The following MYO3B variants were observed in gnomAD, a reference collection of about 807,000 sequenced individuals.
The protein encoded by MYO3B is myosin IIIB, also known as myosin-IIIb.
A neutral mutation model predicts 174.6 loss-of-function variants in MYO3B; 156 were observed. The ratio of observed to expected loss-of-function variants is 0.89; its 90% CI spans 0.78 to 1.02. The LOEUF is 1.02. Among genes scored for constraint, MYO3B ranks in the 50% least tolerant of loss-of-function variants. The pLI, the probability that MYO3B is intolerant of heterozygous loss-of-function variation, is 0.00. For missense variants in MYO3B, 1,632 were observed against 1,639.4 expected (o/e 1.00, Z 0.08); for synonymous variants, 563 against 569.1 (o/e 0.99, Z 0.15).
At chr2:170,387,041 G>A (rs1558949260) in intron 13 of MYO3B, 65 bp from the exon 14 acceptor site, 11 of 1,537,656 alleles carry the variant, frequency 7.2e-6, no homozygotes, top group East Asian at 2.3e-5. Flanking sequence ...AAGGGATGGT[G>A]CCTGGCAACT....
In MYO3B at chr2:170,548,320, T is replaced by C. The variant is rs147768964; in HGVS notation, c.3733+4332T>C. Among the ~76,000 whole-genome samples, 571 of 152,080 alleles carry C rather than the reference T, an allele frequency of 3.8e-3. 1 individual carries two copies. The highest frequency in any genetic ancestry group is 0.013 in the African/African-American group (547 of 41,472). On this transcript the variant is annotated intron_variant, in intron 32 of 34. Coordinates refer to ENST00000408978, the MANE Select transcript of MYO3B (RefSeq NM_138995.5). ...GAGCAAAAAGTAGAGTCATAGGAAATGAGGAGCCAGATAGTGCAGGTTCGT... is the reference window on the plus strand; with the variant it reads ...GAGCAAAAAGTAGAGTCATAGGAAACGAGGAGCCAGATAGTGCAGGTTCGT...
At chr2:170,484,607 A>G (rs1685906835) in intron 25 of MYO3B, among the ~76,000 whole-genome samples, 1 of 152,220 alleles carries the variant, frequency 6.6e-6, no homozygotes, top group Non-Finnish European at 1.5e-5. Flanking sequence ...TGCTATCTAT[A>G]GTGAGTAATA....
At chr2:170,617,488 G>A (rs1257759072) in intron 32 of MYO3B, among the ~76,000 whole-genome samples, 2 of 152,162 alleles carry the variant, frequency 1.3e-5, no homozygotes, top group Non-Finnish European at 2.9e-5. Context: ...GTATAGTTTT[G>A]TTGGACTCCA....
chr2:170,387,451 C>A, intron 14 of MYO3B, 143 bp downstream of exon 14: 1 of 801,078 alleles, frequency 1.2e-6, no homozygotes, highest in Non-Finnish European at 1.9e-6. Flanking sequence ...AGCAAAGGAT[C>A]AGTGGTAGTT....
At chr2:170,482,831 A>G (rs1685781946) in intron 25 of MYO3B, among the ~76,000 whole-genome samples, 1 of 152,246 alleles carries the variant, frequency 6.6e-6, no homozygotes, top group Admixed American at 6.5e-5. Context: ...CAGTCTTTCC[A>G]GAATATTATA....
intron 7 of MYO3B, among the ~76,000 whole-genome samples, chr2:170,305,198 A>G (rs1422372656): frequency 1.3e-5 from 2 of 152,162 alleles, no homozygotes; most frequent in East Asian, 1.9e-4. Context: ...CACATCCTCT[A>G]TTCTCTGTCA....
At chr2:170,195,690 G>T (rs1466643733) in intron 1 of MYO3B, among the ~76,000 whole-genome samples, 1 of 152,100 alleles carries the variant, frequency 6.6e-6, no homozygotes, top group Non-Finnish European at 1.5e-5. Flanking sequence ...GGAGTTTTAG[G>T]TACCCACCTC....
At chr2:170,308,365 T>A (rs377209184) in intron 7 of MYO3B, among the ~76,000 whole-genome samples, 5 of 152,248 alleles carry the variant, frequency 3.3e-5, no homozygotes, top group African/African-American at 7.2e-5. Flanking sequence ...GTAGCCATGT[T>A]GCTGAGTGCG....
chr2:170,533,161 C>T (rs1047942078), intron 30 of MYO3B, among the ~76,000 whole-genome samples: 1 of 152,144 alleles, frequency 6.6e-6, no homozygotes, highest in African/African-American at 2.4e-5. Context: ...CAGTGATGGT[C>T]CTCAAGCTTC....
chr2:170,379,177 C>A (rs1574880189), intron 9 of MYO3B, among the ~76,000 whole-genome samples: 1 of 146,024 alleles, frequency 6.8e-6, no homozygotes, highest in Admixed American at 7.1e-5. Context: ...TTAATTATTT[C>A]ATGAAAATGT....
intron 8 of MYO3B, among the ~76,000 whole-genome samples, chr2:170,364,066 CA>C (rs2094180952): frequency 6.6e-6 from 1 of 152,138 alleles, no homozygotes; most frequent in Admixed American, 6.5e-5. Context: ...TTTGCAGAAA[CA>C]ATAGCCCTCC....
intron 7 of MYO3B, among the ~76,000 whole-genome samples, chr2:170,273,064 C>T (rs114921047): frequency 2.6e-4 from 39 of 152,078 alleles, no homozygotes; most frequent in African/African-American, 9.4e-4. Context: ...CCCTTAGGAT[C>T]AGCTGTATTT....
chr2:170,399,323 A>C (rs2094460909), intron 16 of MYO3B, among the ~76,000 whole-genome samples: 1 of 149,432 alleles, frequency 6.7e-6, no homozygotes, highest in Non-Finnish European at 1.5e-5. Flanking sequence ...AAAATACCAA[A>C]AAGAGCTGAG....
rs377262374 is a variant in MYO3B, at chr2:170,263,748, A to G, written c.749+27612A>G. ...CGAGACATTCCATTGCTCAGGAACAAGTAGGAGACAGATGCCTTCCTCTTA... is the reference window on the plus strand; with the variant it reads ...CGAGACATTCCATTGCTCAGGAACAGGTAGGAGACAGATGCCTTCCTCTTA... On this transcript the variant is annotated intron_variant, in intron 7 of 34. Transcript: ENST00000408978. Among the ~76,000 whole-genome samples the G allele has an allele frequency of 1.3e-4, 19 of 151,970 alleles. 1 individual carries two copies. Among genetic ancestry groups the G allele is most frequent in the African/African-American group, 4.6e-4 (19 of 41,452 alleles).
chr2:170,470,127 A>AAAAAAG, intron 25 of MYO3B, among the ~76,000 whole-genome samples: 1 of 141,886 alleles, frequency 7.0e-6, no homozygotes, highest in Non-Finnish European at 1.5e-5. Context: ...AAAAAAAAAA[A>AAAAAAG]AAAGAAGGAA....
Position 170,506,572 on chromosome 2 carries a change from A to T in MYO3B, c.3370+4707A>T, listed in dbSNP as rs2355355. Among the ~76,000 whole-genome samples, 1,001 of 152,160 alleles carry T rather than the reference A, an allele frequency of 6.6e-3. 11 individuals carry two copies. Among genetic ancestry groups the T allele is most frequent in the African/African-American group, 0.023 (966 of 41,508 alleles). ...GAGATTTAATTTGGGGCTTCAAATTATCCAACTCCAATACAGAGCACTCTA... is the reference window on the plus strand; with the variant it reads ...GAGATTTAATTTGGGGCTTCAAATTTTCCAACTCCAATACAGAGCACTCTA... On this transcript the variant is annotated intron_variant, in intron 28 of 34. Transcript: ENST00000408978.
At chr2:170,507,520 C>G (rs780874690) in intron 28 of MYO3B, among the ~76,000 whole-genome samples, 1 of 152,146 alleles carries the variant, frequency 6.6e-6, no homozygotes, top group Non-Finnish European at 1.5e-5. Context: ...CTGCCTCAGC[C>G]TCCCAAGTAG....
intron 32 of MYO3B, among the ~76,000 whole-genome samples, chr2:170,580,688 A>G (rs1232448275): frequency 6.6e-6 from 1 of 150,714 alleles, no homozygotes; most frequent in African/African-American, 2.4e-5. Flanking sequence ...CTCAAATTGT[A>G]TAAGCTTCAG....
At chr2:170,508,667 G>T (rs561403093) in intron 28 of MYO3B, among the ~76,000 whole-genome samples, 1 of 152,302 alleles carries the variant, frequency 6.6e-6, no homozygotes, top group Admixed American at 6.5e-5. Flanking sequence ...CCTGCCATTG[G>T]TTTCCATCTT....
Sources: allele counts gnomAD v4.1 joint callset (sites outside exome capture counted in the v4.1 genomes callset), GRCh38; gene constraint gnomAD v4.1.1; transcripts MANE v1.5; gene names NCBI Gene and HGNC (gene_info 2026-07-23, HGNC 2026-07-21).